PTPRD: variants seen among roughly 807,000 people sequenced by gnomAD.
PTPRD encodes receptor-type tyrosine-protein phosphatase delta.
In PTPRD, 34 loss-of-function variants were observed where a neutral mutation model predicts 214.5. The observed-to-expected ratio is 0.16, with a 90% CI of 0.12 to 0.21. The LOEUF (loss-of-function observed/expected upper bound fraction) is 0.21, where lower values mean the gene tolerates loss of function less well. Ranked by LOEUF, PTPRD falls within the 10% of genes least tolerant of loss-of-function variation. PTPRD has a pLI of 1.00. For synonymous variants in PTPRD, 1,128 were observed against 845.7 expected, an observed-to-expected ratio of 1.33 and a Z score of -5.79; for missense variants, 2,545 against 2,398.7, an observed-to-expected ratio of 1.06 and a Z score of -1.27.
chr9:10,316,634 A>G (rs2096440863), intron 3 of PTPRD, among the ~76,000 whole-genome samples: 1 of 152,020 alleles, frequency 6.6e-6, no homozygotes, highest in Non-Finnish European at 1.5e-5. Context: ...GTGAATCAAC[A>G]CAATTCTCAA....
chr9:8,985,006 A>G (rs576727854), intron 11 of PTPRD, among the ~76,000 whole-genome samples: 35 of 152,156 alleles, frequency 2.3e-4, no homozygotes, highest in African/African-American at 8.2e-4. Flanking sequence ...TTTACTTTTG[A>G]TCCATTTAAT....
intron 2 of PTPRD, among the ~76,000 whole-genome samples, chr9:10,559,163 A>C (rs2063289468): frequency 6.6e-6 from 1 of 152,150 alleles, no homozygotes; most frequent in Non-Finnish European, 1.5e-5. Context: ...AAGATTTCTT[A>C]AAAGTTTTAA....
chr9:10,190,075 G>A (rs1484806184), intron 3 of PTPRD, among the ~76,000 whole-genome samples: 1 of 152,046 alleles, frequency 6.6e-6, no homozygotes. Flanking sequence ...GATTAGAAAA[G>A]TCAAAGTGGG....
chr9:9,678,070 G>A (rs2096973594), intron 7 of PTPRD, among the ~76,000 whole-genome samples: 2 of 152,036 alleles, frequency 1.3e-5, no homozygotes, highest in South Asian at 4.1e-4. Context: ...AATAAAAGAG[G>A]ATACAAACAA....
chr9:9,834,935 G>T (rs976298404), intron 5 of PTPRD, among the ~76,000 whole-genome samples: 2 of 146,236 alleles, frequency 1.4e-5, no homozygotes, highest in Non-Finnish European at 3.0e-5. Flanking sequence ...AGGTACTTTT[G>T]TTTTTTTTTT....
intron 7 of PTPRD, among the ~76,000 whole-genome samples, chr9:9,605,280 A>G (rs1006932067): frequency 1.3e-5 from 2 of 152,048 alleles, no homozygotes; most frequent in Admixed American, 1.3e-4. Flanking sequence ...GCACTCTGCT[A>G]TGATTGAAAC....
At chr9:9,598,770 C>T (rs2093552714) in intron 7 of PTPRD, among the ~76,000 whole-genome samples, 1 of 151,904 alleles carries the variant, frequency 6.6e-6, no homozygotes, top group South Asian at 2.1e-4. Context: ...TTTAATTAAT[C>T]AATCTCTATC....
intron 10 of PTPRD, among the ~76,000 whole-genome samples, chr9:9,159,369 G>C (rs920834806): frequency 7.2e-5 from 11 of 151,974 alleles, no homozygotes; most frequent in African/African-American, 2.4e-4. Flanking sequence ...CATTGTTGCA[G>C]GATATAAAAT....
rs537582863 is a variant in PTPRD, at chr9:9,738,092, G to T, written c.-325-3521C>A. On this transcript the variant is annotated intron_variant, in intron 6 of 45. Transcript: ENST00000381196. ...ACAGGAAGGGGAACATCACACACCG[G>T]GGCCTGTTGTGAGGTGGGGGGATGG... 6.8e-3 allele frequency among the ~76,000 whole-genome samples: 1,035 copies of T among 151,150 alleles called. 9 individuals carry two copies. Among genetic ancestry groups the T allele is most frequent in the Middle Eastern group, 0.021 (6 of 292 alleles).
At chr9:8,980,239 C>T (rs532820769) in intron 11 of PTPRD, among the ~76,000 whole-genome samples, 4 of 150,932 alleles carry the variant, frequency 2.7e-5, no homozygotes, top group Admixed American at 2.0e-4. Flanking sequence ...GGGGTGGGGG[C>T]GAGGAAATTA....
At chr9:9,479,607 C>G (rs983722038) in intron 8 of PTPRD, among the ~76,000 whole-genome samples, 1 of 152,046 alleles carries the variant, frequency 6.6e-6, no homozygotes, top group African/African-American at 2.4e-5. Flanking sequence ...TGCACCAACA[C>G]TTTTAAGTAT....
chr9:9,605,542 T>C (rs2094097032), intron 7 of PTPRD, among the ~76,000 whole-genome samples: 1 of 152,064 alleles, frequency 6.6e-6, no homozygotes, highest in Non-Finnish European at 1.5e-5. Context: ...CTAGACTATA[T>C]GGTTTGCTAA....
intron 2 of PTPRD, among the ~76,000 whole-genome samples, chr9:10,583,650 T>C (rs957504149): frequency 2.6e-5 from 4 of 151,648 alleles, no homozygotes; most frequent in Admixed American, 1.3e-4. Flanking sequence ...GGCTAATTTT[T>C]TGTATTTTTA....
At chr9:8,820,766 C>T (rs148015546) in intron 11 of PTPRD, among the ~76,000 whole-genome samples, 4 of 152,052 alleles carry the variant, frequency 2.6e-5, no homozygotes, top group Non-Finnish European at 5.9e-5. Context: ...GTATATATGT[C>T]TCTGGACTCA....
chr9:9,947,177 G>C (rs1320822598), intron 4 of PTPRD, among the ~76,000 whole-genome samples: 2 of 146,562 alleles, frequency 1.4e-5, no homozygotes, highest in East Asian at 2.1e-4. Context: ...ACAATGAGTA[G>C]TTCAGCTATA....
intron 7 of PTPRD, among the ~76,000 whole-genome samples, chr9:9,614,270 T>C (rs1376201381): frequency 6.6e-6 from 1 of 152,120 alleles, no homozygotes; most frequent in Non-Finnish European, 1.5e-5. Flanking sequence ...AAATACCATG[T>C]CACTTTGCTA....
intron 5 of PTPRD, among the ~76,000 whole-genome samples, chr9:9,909,774 GAA>G (rs1226221694): frequency 7.2e-6 from 1 of 138,574 alleles, no homozygotes; most frequent in African/African-American, 2.8e-5. Flanking sequence ...TTTGTGGATT[GAA>G]TGTTTTTTTT....
chr9:9,907,114 T>C (rs1490748441), intron 5 of PTPRD, among the ~76,000 whole-genome samples: 1 of 151,900 alleles, frequency 6.6e-6, no homozygotes, highest in Non-Finnish European at 1.5e-5. Context: ...TCAGCTAGCA[T>C]CTTCCAAGCA....
chr9:9,979,754 T>G (rs1242189845), intron 4 of PTPRD, among the ~76,000 whole-genome samples: 6 of 152,160 alleles, frequency 3.9e-5, no homozygotes, highest in Admixed American at 3.9e-4. Flanking sequence ...CCAAACAGAT[T>G]TTAAGACATA....
Sources: gnomAD v4.1 joint callset for allele counts (sites outside exome capture counted in the v4.1 genomes callset) on GRCh38, gnomAD v4.1.1 for gene constraint, MANE v1.5 for transcripts, NCBI Gene and HGNC (gene_info 2026-07-23, HGNC 2026-07-21) for gene names.